Variants in PUDP observed in about 807,000 individuals in gnomAD.
PUDP encodes the protein pseudouridine-5'-phosphatase.
PUDP carries 8 observed loss-of-function variants against 9.4 expected under a neutral mutation model. That is an observed-to-expected ratio of 0.85 (90% CI 0.50 to 1.53). The LOEUF is 1.53. PUDP is among the 40% of genes most tolerant of loss of function. The pLI is 0.00. For missense variants in PUDP, 188 were observed against 189.7 expected (o/e 0.99, Z 0.05); for synonymous variants, 99 against 80.7 (o/e 1.23, Z -1.22).
In PUDP at chrX:6,753,043, G is replaced by C. The variant is rs545924866; in HGVS notation, c.*248-46577C>G. On this transcript the variant is annotated intron_variant and NMD_transcript_variant, in intron 3 of 3. Transcript: ENST00000655425. ...CTAGACATTTATTACCTCTTTAGTG[G>C]TGATTTGTGAGATTTCGGTGCCTCC... 3.6e-5 allele frequency among the ~76,000 whole-genome samples: 4 copies of C among 110,741 alleles called. No homozygotes were observed. In the South Asian group the frequency reaches 1.6e-3, roughly 43 times the overall value.
chrX:7,095,539 A>G (rs1354001857), intron 2 of PUDP, among the ~76,000 whole-genome samples: 1 of 112,159 alleles, frequency 8.9e-6, no homozygotes, highest in East Asian at 2.8e-4. Context: ...TCGAAGCCCC[A>G]ACACCCTGGG....
chrX:6,773,031 T>C (rs778668402), intron 3 of PUDP, among the ~76,000 whole-genome samples: 1 of 112,600 alleles, frequency 8.9e-6, no homozygotes, highest in Non-Finnish European at 1.9e-5. Context: ...TCTCAGGATA[T>C]ATTTGAAAAT....
intron 1 of PUDP, among the ~76,000 whole-genome samples, chrX:7,126,973 G>C (rs759310074): frequency 4.8e-4 from 54 of 111,786 alleles, no homozygotes; most frequent in African/African-American, 1.7e-3. Context: ...AAATTGGTTC[G>C]AGTATCTCAG....
At chrX:7,007,027 C>T (rs1929411940) in intron 1 of PUDP, among the ~76,000 whole-genome samples, 1 of 111,314 alleles carries the variant, frequency 9.0e-6, no homozygotes, top group South Asian at 3.9e-4. Flanking sequence ...GGGTCTAGGT[C>T]CCACTGCTCA....
intron 3 of PUDP, among the ~76,000 whole-genome samples, chrX:6,838,275 G>A (rs1371845416): frequency 8.9e-6 from 1 of 112,688 alleles, no homozygotes; most frequent in African/African-American, 3.2e-5. Context: ...AAATCTAGAC[G>A]AGTTAACTCA....
intron 1 of PUDP, among the ~76,000 whole-genome samples, chrX:6,992,724 T>C (rs1929201989): frequency 9.0e-6 from 1 of 111,339 alleles, no homozygotes; most frequent in Non-Finnish European, 1.9e-5. Flanking sequence ...TCAACTTGAT[T>C]GAATTGAAGG....
At chrX:7,068,265 G>A (rs1330779621) in intron 3 of PUDP, among the ~76,000 whole-genome samples, 5 of 112,099 alleles carry the variant, frequency 4.5e-5, no homozygotes, top group African/African-American at 1.6e-4. Flanking sequence ...TAAATCACTC[G>A]GTATTCCTGG....
intron 1 of PUDP, among the ~76,000 whole-genome samples, chrX:6,712,916 C>T (rs905240479): frequency 1.9e-4 from 21 of 111,223 alleles, no homozygotes; most frequent in African/African-American, 5.2e-4. Context: ...GGCATGATGG[C>T]GTGCCCTGTG....
intron 3 of PUDP, among the ~76,000 whole-genome samples, chrX:6,965,831 A>G (rs902048146): frequency 8.9e-6 from 1 of 112,028 alleles, no homozygotes; most frequent in African/African-American, 3.2e-5. Flanking sequence ...AATCAACTGT[A>G]TTAAAGACTT....
intron 1 of PUDP, among the ~76,000 whole-genome samples, chrX:7,140,009 T>C (rs1213072581): frequency 8.9e-6 from 1 of 111,862 alleles, no homozygotes; most frequent in Non-Finnish European, 1.9e-5. Flanking sequence ...TCAGGAAAGG[T>C]GGTGATCTAT....
At chrX:6,891,345 C>G (rs747764582) in intron 3 of PUDP, among the ~76,000 whole-genome samples, 56 of 112,204 alleles carry the variant, frequency 5.0e-4, no homozygotes, top group Non-Finnish European at 3.2e-4. Flanking sequence ...TTCCCAACCT[C>G]CTGCACTAAG....
At chrX:6,732,601 G>A (rs1160195954) in intron 3 of PUDP, among the ~76,000 whole-genome samples, 3 of 101,282 alleles carry the variant, frequency 3.0e-5, no homozygotes, top group African/African-American at 1.1e-4. Context: ...GGAAGGAGAA[G>A]GGAAGGGAAG....
intron 3 of PUDP, among the ~76,000 whole-genome samples, chrX:6,879,726 T>G (rs955313488): frequency 9.0e-6 from 1 of 111,479 alleles, no homozygotes; most frequent in Non-Finnish European, 1.9e-5. Context: ...TGGGACTTCA[T>G]AGCAAGCCAC....
At chrX:6,747,642 G>T (rs1925016077) in intron 3 of PUDP, among the ~76,000 whole-genome samples, 1 of 111,900 alleles carries the variant, frequency 8.9e-6, no homozygotes, top group African/African-American at 3.2e-5. Flanking sequence ...TAATTTTACG[G>T]GATCATAATA....
chrX:6,982,894 A>C (rs1929055063), intron 1 of PUDP, among the ~76,000 whole-genome samples: 1 of 112,571 alleles, frequency 8.9e-6, no homozygotes, highest in Non-Finnish European at 1.9e-5. Context: ...TTGCAAAGGC[A>C]GTATTATTCA....
At chrX:6,946,820 T>A (rs1199368429) in intron 3 of PUDP, among the ~76,000 whole-genome samples, 2 of 112,223 alleles carry the variant, frequency 1.8e-5, no homozygotes, top group Non-Finnish European at 3.8e-5. Flanking sequence ...CAAACATATA[T>A]GAAACATGAA....
At chrX:6,717,853 C>G (rs1458599639) in intron 1 of PUDP, among the ~76,000 whole-genome samples, 2 of 111,893 alleles carry the variant, frequency 1.8e-5, no homozygotes, top group Non-Finnish European at 3.8e-5. Context: ...TGCATCCTCA[C>G]CAACATCTAT....
At chrX:6,885,424 C>T (rs1488030653) in intron 3 of PUDP, among the ~76,000 whole-genome samples, 1 of 111,779 alleles carries the variant, frequency 8.9e-6, no homozygotes, top group Admixed American at 9.5e-5. Flanking sequence ...TTTGATGTAC[C>T]CGTGAGAAGA....
At chrX:7,028,861 G>A (rs1929755020) in intron 1 of PUDP, among the ~76,000 whole-genome samples, 1 of 111,611 alleles carries the variant, frequency 9.0e-6, no homozygotes, top group Non-Finnish European at 1.9e-5. Context: ...AGGTGTGAGC[G>A]GGGCTGGTTC....
Sources: allele counts gnomAD v4.1 joint callset (sites outside exome capture counted in the v4.1 genomes callset), GRCh38; gene constraint gnomAD v4.1.1; transcripts MANE v1.5; gene names NCBI Gene and HGNC (gene_info 2026-07-23, HGNC 2026-07-21).